NEB: variants seen among roughly 807,000 people sequenced by gnomAD.
NEB encodes the protein nemaline myopathy type 2.
Under a neutral mutation model 952.2 loss-of-function variants are expected in NEB, and 512 were observed. That is an observed-to-expected ratio of 0.54 (90% CI 0.50 to 0.58). The LOEUF is 0.58. Among genes scored for constraint, NEB ranks in the 20% least tolerant of loss-of-function variants. The pLI, the probability that NEB is intolerant of heterozygous loss-of-function variation, is 0.00. For synonymous variants in NEB, 2,900 were observed against 3,149.8 expected (o/e 0.92, Z 2.66); for missense variants, 8,428 against 9,231.1 (o/e 0.91, Z 3.56).
chr2:151,618,081 A>T (rs552727689), intron 74 of NEB, among the ~76,000 whole-genome samples, 194 bp downstream of exon 74: 1 of 152,320 alleles, frequency 6.6e-6, no homozygotes, highest in Non-Finnish European at 1.5e-5. Context: ...ACAAACAAAC[A>T]AAAGCACACA....
At position 151,552,868 on chromosome 2, in the gene NEB, T is replaced by A. The variant is rs1362147766; in HGVS notation, c.19732-92A>T. On this transcript the variant is annotated intron_variant, in intron 127 of 181. Transcript: ENST00000397345. ...AGAGGGTTTGGTTGCTTTTAACTCA[T>A]GAGATTTATATTCATCAGCACTACT... is the stretch of plus-strand genomic sequence containing the variant. 1.2e-5 allele frequency: 10 copies of A among 850,438 alleles called. No individual in the cohort carries two copies. In the Middle Eastern group the frequency reaches 1.3e-3, roughly 112 times the overall value. The allele number at this position is 850,438 out of a possible 1,614,324, so 52.7% of individuals were successfully genotyped here.
In NEB at chr2:151,529,199, C is replaced by CTGGA. The variant is rs757273703; in HGVS notation, c.21735+7_21735+10dup. Reference sequence around the variant, plus strand: ...TCCCCCACCATGCTTGGGGAAGTTTCTGGAACTTACATTGGTGTTGACTTT... The same window carrying CTGGA: ...TCCCCCACCATGCTTGGGGAAGTTTCTGGATGGAACTTACATTGGTGTTGACTTT... On this transcript the variant is annotated intron_variant, in intron 146 of 181. Coordinates refer to ENST00000397345, the MANE Select transcript of NEB (RefSeq NM_001164508.2). 1.0e-4 allele frequency: 159 copies of CTGGA among 1,587,232 alleles called. 1 individual carries two copies. The highest frequency in any genetic ancestry group is 1.2e-5 in the Non-Finnish European group (14 of 1,155,830).
In NEB at chr2:151,691,904, T is replaced by C. The variant is rs2099554113; in HGVS notation, c.2171A>G (p.Gln724Arg). The change falls in exon 23 of 182, where the codon CAA (glutamine) becomes CGA (arginine). Residue 724 changes from glutamine to arginine, a missense_variant. This residue lies in a region of NEB where 2,851 missense variants were observed against 2,791.5 expected (regional missense o/e 1.02). Coordinates refer to ENST00000397345, the MANE Select transcript of NEB (RefSeq NM_001164508.2). ...CAGCTTCTTGATTGCTTCATATTCT[T>C]GTGTTATTGTCTGAGGGAAATAGCA... ...GKCYFPQTIT[Q>R]EYEAIKKLDQ... is the part of the protein sequence containing the mutation. The C allele has an allele frequency of 6.2e-7, 1 of 1,605,540 alleles. No individual in the cohort carries two copies. Among genetic ancestry groups the C allele is most frequent in the Admixed American group, 1.7e-5 (1 of 58,574 alleles).
chr2:151,710,118 C>T (rs2099740214), intron 11 of NEB, among the ~76,000 whole-genome samples: 1 of 152,158 alleles, frequency 6.6e-6, no homozygotes, highest in Non-Finnish European at 1.5e-5. Flanking sequence ...CAATTTGGCT[C>T]CTCAGGCAAA....
In NEB at chr2:151,729,491, G is replaced by A. The variant is rs2099800563; in HGVS notation, c.78+124C>T. The A allele has an allele frequency of 1.3e-5, 14 of 1,061,234 alleles. No individual in the cohort carries two copies. The South Asian group carries it at 1.9e-4, about 14-fold the overall frequency. 65.7% of individuals were successfully genotyped at this position (1,061,234 alleles called of 1,614,324 possible). A position where few individuals can be genotyped will look rare whatever the true frequency, so the allele number is the denominator to read the frequency against. On this transcript the variant is annotated intron_variant, in intron 4 of 181. Transcript: ENST00000397345. Reference sequence around the variant, plus strand: ...TCACACCAGCTTCTGGGCACAGGTAGGTGAGTGATCCTCTGTCAGATAATC... The same window carrying A: ...TCACACCAGCTTCTGGGCACAGGTAAGTGAGTGATCCTCTGTCAGATAATC...
intron 24 of NEB, chr2:151,689,407 G>A (rs1008465877): frequency 6.6e-6 from 1 of 151,892 alleles, no homozygotes; most frequent in African/African-American, 2.4e-5. Context: ...GGTTTACCAT[G>A]TTGCCCAGGC....
chr2:151,722,590 C>T (rs577535881), intron 9 of NEB, among the ~76,000 whole-genome samples: 5 of 152,258 alleles, frequency 3.3e-5, no homozygotes, highest in Admixed American at 1.3e-4. Flanking sequence ...GTTGCCCAGG[C>T]TGGAGTGCAG....
At chr2:151,652,937 T>C (rs1188265463) in intron 52 of NEB, among the ~76,000 whole-genome samples, 1 of 152,200 alleles carries the variant, frequency 6.6e-6, no homozygotes, top group African/African-American at 2.4e-5. Context: ...TTTAGGCTTA[T>C]CACCTCATTG....
intron 150 of NEB, 116 bp downstream of exon 150, chr2:151,525,842 A>G: frequency 1.2e-6 from 1 of 819,154 alleles, no homozygotes; most frequent in Non-Finnish European, 2.2e-6. Flanking sequence ...ACATGTAGAT[A>G]TTGATGGTAA....
intron 70 of NEB, among the ~76,000 whole-genome samples, chr2:151,625,850 A>G (rs1349855735): frequency 2.0e-5 from 3 of 152,160 alleles, no homozygotes. Context: ...ATATATATAT[A>G]CATATAATCA....
intron 153 of NEB, among the ~76,000 whole-genome samples, chr2:151,522,080 C>T (rs1340683705): frequency 6.6e-6 from 1 of 152,070 alleles, no homozygotes; most frequent in Non-Finnish European, 1.5e-5. Flanking sequence ...TGGCAGCCCC[C>T]GGGGTTTATA....
chr2:151,723,354 TAA>T, intron 9 of NEB, 26 bp downstream of exon 9: 1 of 1,549,444 alleles, frequency 6.5e-7, no homozygotes, highest in Non-Finnish European at 8.8e-7. Context: ...TCTGCACACC[TAA>T]GTGGTGCCAC....
Position 151,618,348 on chromosome 2 carries a change from G to A in NEB, c.11003C>T (p.Thr3668Met), listed in dbSNP as rs769567443. ...SDTIYRQRPE[T>M]LKFTSITDTP... ...GTCCGTTATACTGGTAAATTTCAGC[G>A]TTTCTGGACGCTGACGGTAGATAGT... The change falls in exon 74 of 182, where the codon ACG becomes ATG. Residue 3668 changes from threonine (T) to methionine (M), a missense_variant. Thr to Met is a moderately conservative substitution (Grantham distance 81). Transcript: ENST00000397345. 9 of 1,613,922 alleles carry A rather than the reference G, an allele frequency of 5.6e-6. No individual in the cohort carries two copies. The East Asian group carries it at 6.7e-5, about 12-fold the overall frequency.
intron 5 of NEB, among the ~76,000 whole-genome samples, chr2:151,725,812 G>A: frequency 6.6e-6 from 1 of 152,036 alleles, no homozygotes; most frequent in East Asian, 1.9e-4. Context: ...ACCCTAAAAT[G>A]ATTCTTTCAA....
At position 151,537,116 on chromosome 2, in the gene NEB, C is replaced by T; in HGVS notation, c.21207+16G>A. The T allele has an allele frequency of 1.3e-6, 2 of 1,530,392 alleles. No individual in the cohort carries two copies. Among genetic ancestry groups the T allele is most frequent in the South Asian group, 2.3e-5 (2 of 88,630 alleles). 94.8% of individuals were successfully genotyped at this position (1,530,392 alleles called of 1,614,324 possible). On this transcript the variant is annotated intron_variant, in intron 141 of 181. Transcript: ENST00000397345. ...ATGTCGAATGGATGAGGCCAATTCT[C>T]CTTGAGTATATATACCTTGCTGTAG...
chr2:151,677,583 G>A lies in NEB; in HGVS notation c.3756C>T (p.Asn1252=), dbSNP rs755915064. The A allele has an allele frequency of 2.1e-5, 34 of 1,613,540 alleles. No individual in the cohort carries two copies. Among genetic ancestry groups the A allele is most frequent in the African/African-American group, 2.7e-5 (2 of 74,910 alleles). ...TACTCACATCACTGACTTGCTTCGT[G>A]TTCTGTTTTGCCTGGACCATAACTG... ...DSPVMVQAKQ[N]TKQVSDILYK... Residue 1252 remains asparagine (N), a synonymous_variant, in exon 34 of 182, where the codon AAC becomes AAT. Coordinates refer to ENST00000397345, the MANE Select transcript of NEB (RefSeq NM_001164508.2).
intron 121 of NEB, 117 bp downstream of exon 121, chr2:151,561,993 G>T: frequency 2.7e-6 from 2 of 738,504 alleles, no homozygotes; most frequent in South Asian, 1.7e-5. Context: ...GAGGGGCTTT[G>T]GTCAGTTAGA....
In NEB at chr2:151,671,227, A is replaced by G. The variant is rs2154190788; in HGVS notation, c.4302T>C (p.Asn1434=). Residue 1434 remains asparagine (N), a splice_region_variant and synonymous_variant, in exon 38 of 182, where the codon AAT becomes AAC. Coordinates refer to ENST00000397345, the MANE Select transcript of NEB (RefSeq NM_001164508.2). ...TRNVNQIQSD[N]VYKDEYNSFL... is the part of the protein sequence containing the mutation. ...AGCTGTTATACTCGTCTTTATACAC[A>G]TTCTGTAAAAGGGTAAGCTAATATG... The G allele has an allele frequency of 6.2e-7, 1 of 1,611,398 alleles. No individual in the cohort carries two copies. Among genetic ancestry groups the G allele is most frequent in the South Asian group, 1.1e-5 (1 of 90,902 alleles).
chr2:151,527,221 C>A (rs1216630332), intron 147 of NEB, among the ~76,000 whole-genome samples, 199 bp from the exon 148 acceptor site: 1 of 152,086 alleles, frequency 6.6e-6, no homozygotes, highest in African/African-American at 2.4e-5. Flanking sequence ...GCCCCTCCAT[C>A]CCCAGTCTTC....
Sources: gnomAD v4.1 joint callset for allele counts (sites outside exome capture counted in the v4.1 genomes callset) on GRCh38, gnomAD v4.1.1 for gene constraint, gnomAD v4.1.1 regional missense constraint, MANE v1.5 for transcripts, NCBI Gene and HGNC (gene_info 2026-07-23, HGNC 2026-07-21) for gene names.